Variants in IRAG2 observed in about 807,000 individuals in gnomAD.
The protein encoded by IRAG2 is lymphoid restricted membrane protein.
A neutral mutation model predicts 69.9 loss-of-function variants in IRAG2; 45 were observed. That is an observed-to-expected ratio of 0.64 (90% CI 0.51 to 0.83). The LOEUF (loss-of-function observed/expected upper bound fraction) is 0.83. Ranked by LOEUF, IRAG2 falls within the 40% of genes least tolerant of loss-of-function variation. IRAG2 has a pLI of 0.00. For missense variants in IRAG2, 520 were observed against 587.0 expected, an observed-to-expected ratio of 0.89 and a Z score of 1.18; for synonymous variants, 193 against 202.4, an observed-to-expected ratio of 0.95 and a Z score of 0.40.
chr12:25,026,406 T>C (rs897824635), intron 8 of IRAG2, among the ~76,000 whole-genome samples: 2 of 152,108 alleles, frequency 1.3e-5, no homozygotes, highest in East Asian at 3.8e-4. Context: ...ATGATTATAA[T>C]GATTGCCCAG....
Position 25,088,110 on chromosome 12 carries a change from A to C in IRAG2, c.326A>C (p.Glu109Ala), listed in dbSNP as rs760027938. ...DKTILNLEAK[E>A]EPETIEEHKK... The stretch of plus-strand genomic sequence containing the variant: ...ATCTTATGATTTTAGGAAGCCAAAG[A>C]GGAACCAGAAACAATAGAAGAACAT... Residue 109 changes from glutamate (E) to alanine (A), a missense_variant, in exon 11 of 22, where the codon GAG becomes GCG. Transcript: ENST00000556887. 1 of 1,612,514 alleles carries C rather than the reference A, an allele frequency of 6.2e-7. No individual in the cohort carries two copies. The highest frequency in any genetic ancestry group is 1.3e-5 in the African/African-American group (1 of 74,898).
chr12:25,047,923 C>T (rs554486185), upstream of IRAG2, among the ~76,000 whole-genome samples: 43 of 152,280 alleles, frequency 2.8e-4, no homozygotes, highest in Middle Eastern at 3.4e-3. Context: ...AATGAACATA[C>T]GCTTGCATGT....
At chr12:25,075,767 G>A (rs1946654250) in intron 6 of IRAG2, 1 of 152,152 alleles carries the variant, frequency 6.6e-6, no homozygotes, top group Non-Finnish European at 1.5e-5. Context: ...CTATCGGCAT[G>A]TGTTAGATTC....
At chr12:25,073,514 C>T in intron 6 of IRAG2, among the ~76,000 whole-genome samples, 1 of 152,182 alleles carries the variant, frequency 6.6e-6, no homozygotes, top group East Asian at 1.9e-4. Flanking sequence ...CCCATATTCA[C>T]AGAGGAAGCT....
chr12:25,015,258 A>C (rs1944517541), exon 4 of IRAG2: 1 of 1,230,826 alleles, frequency 8.1e-7, no homozygotes, highest in Admixed American at 4.2e-5. Flanking sequence ...ATCAGATGGA[A>C]CAAGTATGTA....
chr12:25,060,823 G>A (rs1437329625), intron 1 of IRAG2, among the ~76,000 whole-genome samples: 3 of 148,660 alleles, frequency 2.0e-5, no homozygotes, highest in Non-Finnish European at 4.5e-5. Flanking sequence ...ACCACACCCA[G>A]CTAATTTTTG....
At chr12:25,049,975 T>G, upstream of IRAG2, among the ~76,000 whole-genome samples, 1 of 69,544 alleles carries the variant, frequency 1.4e-5, no homozygotes, top group African/African-American at 6.5e-5. Context: ...ACAGCGAAAC[T>G]GTGTCTCAAA....
chr12:25,070,689 T>C (rs1195547643), intron 6 of IRAG2, among the ~76,000 whole-genome samples: 1 of 152,236 alleles, frequency 6.6e-6, no homozygotes, highest in African/African-American at 2.4e-5. Context: ...GGTAACTCTA[T>C]GTTTAATGTT....
rs1198635824 is a variant in IRAG2 at position 25,015,210 on chromosome 12, A to C, written c.925A>C (p.Ile309Leu). 3 of 1,201,970 alleles carry C rather than the reference A, an allele frequency of 2.5e-6. No individual in the cohort carries two copies. The East Asian group carries it at 1.0e-4, about 40-fold the overall frequency. The allele number at this position is 1,201,970 out of a possible 1,614,324, so 74.5% of individuals were successfully genotyped here. A position where few individuals can be genotyped will look rare whatever the true frequency, so the allele number is the denominator to read the frequency against. Residue 309 changes from isoleucine (I) to leucine (L), a missense_variant, in exon 4 of 39, where the codon ATC becomes CTC. By Grantham distance (5) the Ile-to-Leu change is conservative. Transcript: ENST00000636465. ...AGGAGTGAATCATAGATTAAGCAGCATCATCGATGATTCTGTTTGTGAACA... is the reference window on the plus strand; with the variant it reads ...AGGAGTGAATCATAGATTAAGCAGCCTCATCGATGATTCTGTTTGTGAACA...
chr12:25,035,774 C>T (rs1002262699), exon 14 of IRAG2: 9 of 398,838 alleles, frequency 2.3e-5, no homozygotes, highest in African/African-American at 1.0e-4. Context: ...TTCACAGCCA[C>T]GCTTCAGAAG....
chr12:25,088,932 A>G (rs1947837237), intron 11 of IRAG2, among the ~76,000 whole-genome samples: 1 of 149,206 alleles, frequency 6.7e-6, no homozygotes, highest in African/African-American at 2.4e-5. Context: ...CTTATCTTAG[A>G]TGATAAGATA....
intron 10 of IRAG2, chr12:25,030,439 T>C (rs1324031328): frequency 4.1e-6 from 3 of 724,348 alleles, no homozygotes; most frequent in Non-Finnish European, 5.7e-6. Context: ...CAGGCTGGAG[T>C]GCAATGGCAT....
At chr12:25,007,490 G>A (rs1591921455) in intron 2 of IRAG2, among the ~76,000 whole-genome samples, 1 of 151,980 alleles carries the variant, frequency 6.6e-6, no homozygotes, top group African/African-American at 2.4e-5. Context: ...CTTTCCATCT[G>A]TTTTTTGCAT....
chr12:25,105,286 C>A (rs1432248523), intron 20 of IRAG2, among the ~76,000 whole-genome samples: 1 of 151,954 alleles, frequency 6.6e-6, no homozygotes, highest in Non-Finnish European at 1.5e-5. Flanking sequence ...CTGTGTTAGC[C>A]AGGATGGTCT....
intron 12 of IRAG2, chr12:25,033,781 T>C (rs1267454118): frequency 5.0e-6 from 2 of 397,460 alleles, no homozygotes; most frequent in African/African-American, 4.1e-5. Flanking sequence ...GGACCCTATA[T>C]TCTGTTGACT....
intron 16 of IRAG2, among the ~76,000 whole-genome samples, chr12:25,044,577 GA>G (rs1944777157): frequency 6.6e-6 from 1 of 152,010 alleles, no homozygotes; most frequent in African/African-American, 2.4e-5. Flanking sequence ...GTGAAGAGAT[GA>G]AAAAAGATAT....
chr12:25,020,601 C>T (rs1233750340), intron 6 of IRAG2, among the ~76,000 whole-genome samples: 1 of 152,142 alleles, frequency 6.6e-6, no homozygotes, highest in African/African-American at 2.4e-5. Context: ...TTCCCCACTC[C>T]CCATTTTCTC....
rs192593778 is a variant in IRAG2 at position 25,106,085 on chromosome 12, G to A, written c.1149-858G>A. Among the ~76,000 whole-genome samples, 8 of 152,060 alleles carry A rather than the reference G, an allele frequency of 5.3e-5. No homozygotes were observed. In the East Asian group the frequency reaches 1.5e-3, roughly 29 times the overall value. ...AATTTATTTTAACCAGTTTTATACT[G>A]AGAATATTTTCAAAAACACGTTTTA... is the stretch of plus-strand genomic sequence containing the variant. On this transcript the variant is annotated intron_variant, in intron 20 of 21. Coordinates refer to ENST00000556887, the MANE Select transcript of IRAG2 (RefSeq NM_001366544.2).
At chr12:25,107,389 G>C (rs1949257263) in intron 21 of IRAG2, among the ~76,000 whole-genome samples, 1 of 152,088 alleles carries the variant, frequency 6.6e-6, no homozygotes, top group African/African-American at 2.4e-5. Context: ...ACTATTTTCA[G>C]CTTCAGGCAT....
Sources: gnomAD v4.1 joint callset for allele counts (sites outside exome capture counted in the v4.1 genomes callset) on GRCh38, gnomAD v4.1.1 for gene constraint, MANE v1.5 for transcripts, NCBI Gene and HGNC (gene_info 2026-07-23, HGNC 2026-07-21) for gene names.